NTRK2: variants seen among roughly 807,000 people sequenced by gnomAD.
NTRK2 encodes the protein BDNF/NT-3 growth factors receptor.
A neutral mutation model predicts 94.5 loss-of-function variants in NTRK2; 13 were observed. The observed-to-expected ratio is 0.14, with a 90% CI of 0.09 to 0.22. NTRK2 has a LOEUF of 0.22. Ranked by LOEUF, NTRK2 falls within the 10% of genes least tolerant of loss-of-function variation. NTRK2 has a pLI of 1.00. For synonymous variants in NTRK2, 372 were observed against 407.4 expected, an observed-to-expected ratio of 0.91 and a Z score of 1.05; for missense variants, 639 against 1,071.2, an observed-to-expected ratio of 0.60 and a Z score of 5.63.
chr9:84,834,609 A>T (rs2073762469), intron 12 of NTRK2, among the ~76,000 whole-genome samples: 1 of 152,096 alleles, frequency 6.6e-6, no homozygotes. Context: ...GGTGTGTCTC[A>T]TGTTGAGCCA....
intron 11 of NTRK2, among the ~76,000 whole-genome samples, chr9:84,747,967 A>G (rs1216456285): frequency 1.3e-5 from 2 of 152,198 alleles, no homozygotes; most frequent in Non-Finnish European, 2.9e-5. Context: ...GATATTTTAT[A>G]TATAAAGAGT....
intron 12 of NTRK2, among the ~76,000 whole-genome samples, chr9:84,797,889 T>A (rs1356541639): frequency 4.2e-5 from 5 of 120,124 alleles, no homozygotes; most frequent in Non-Finnish European, 6.4e-5. Flanking sequence ...TAGTAATAAT[T>A]ATTATTACTA....
At chr9:84,723,522 A>G in intron 6 of NTRK2, 51 bp from the exon 7 acceptor site, 2 of 1,601,938 alleles carry the variant, frequency 1.2e-6, no homozygotes, top group Non-Finnish European at 1.7e-6. Context: ...TTATTTTGAT[A>G]CTGCATTTAA....
At chr9:84,864,656 G>C (rs902111209) in intron 13 of NTRK2, among the ~76,000 whole-genome samples, 1 of 152,102 alleles carries the variant, frequency 6.6e-6, no homozygotes, top group Non-Finnish European at 1.5e-5. Flanking sequence ...CAGCCATGCC[G>C]GGAACCAAGG....
intron 8 of NTRK2, among the ~76,000 whole-genome samples, chr9:84,726,960 G>A (rs1025401392): frequency 1.3e-5 from 2 of 152,108 alleles, no homozygotes; most frequent in Non-Finnish European, 2.9e-5. Context: ...TCCCTACTCT[G>A]TCCAGGCTTA....
intron 14 of NTRK2, among the ~76,000 whole-genome samples, chr9:84,927,807 A>G (rs950308645): frequency 9.8e-5 from 15 of 152,294 alleles, no homozygotes; most frequent in African/African-American, 3.4e-4. Flanking sequence ...TCTCTGGCCC[A>G]TAATAACAAT....
In NTRK2 at chr9:84,889,069, C is replaced by T. The variant is rs531491878; in HGVS notation, c.1633+21638C>T. Among the ~76,000 whole-genome samples, 65 of 137,602 alleles carry T rather than the reference C, an allele frequency of 4.7e-4. 1 individual carries two copies. In the South Asian group the frequency reaches 0.015, roughly 31 times the overall value. 90.3% of individuals were successfully genotyped at this position (137,602 alleles called of 152,430 possible). A position where few individuals can be genotyped will look rare whatever the true frequency, so the allele number is the denominator to read the frequency against. ...GCAGTGGCGCGATCTCGGCTCACTG[C>T]AAGCTCCGCCTCCCGGGTTCACGCC... On this transcript the variant is annotated intron_variant, in intron 14 of 18. Coordinates refer to ENST00000277120, the MANE Select transcript of NTRK2 (RefSeq NM_006180.6).
chr9:84,929,361 A>T (rs1239427028), intron 14 of NTRK2, among the ~76,000 whole-genome samples: 1 of 152,208 alleles, frequency 6.6e-6, no homozygotes, highest in African/African-American at 2.4e-5. Flanking sequence ...AAATTCCATC[A>T]GTGACAGGGT....
At chr9:84,948,396 G>A (rs2132878270) in intron 15 of NTRK2, 66 bp from the exon 16 acceptor site, 3 of 1,498,746 alleles carry the variant, frequency 2.0e-6, no homozygotes, top group Non-Finnish European at 2.8e-6. Flanking sequence ...TGAGATGGAT[G>A]TCTTTCCTAT....
intron 14 of NTRK2, chr9:84,873,046 A>T: frequency 9.4e-7 from 1 of 1,063,710 alleles, no homozygotes; most frequent in Non-Finnish European, 1.1e-6. Flanking sequence ...AGGACCCCAG[A>T]AGCTCATTAG....
chr9:84,960,008 T>C (rs1015680068), intron 17 of NTRK2, among the ~76,000 whole-genome samples: 3 of 152,218 alleles, frequency 2.0e-5, no homozygotes, highest in African/African-American at 7.2e-5. Context: ...GCTTCAGCTT[T>C]ATGTTGGAGT....
chr9:84,683,774 C>T (rs2059538330), intron 2 of NTRK2, among the ~76,000 whole-genome samples: 1 of 152,158 alleles, frequency 6.6e-6, no homozygotes, highest in African/African-American at 2.4e-5. Flanking sequence ...TGCTCTCTTC[C>T]ACAATGGTTG....
intron 14 of NTRK2, chr9:84,872,059 T>C: frequency 7.2e-7 from 1 of 1,387,948 alleles, no homozygotes. Flanking sequence ...ACCCATCTCC[T>C]CGATCAATCA....
At chr9:84,788,326 A>G (rs2068338560) in intron 12 of NTRK2, among the ~76,000 whole-genome samples, 1 of 152,262 alleles carries the variant, frequency 6.6e-6, no homozygotes, top group South Asian at 2.1e-4. Context: ...GATGCAGATC[A>G]GAGTCATTGA....
chr9:84,822,221 C>T (rs375615927), intron 12 of NTRK2, among the ~76,000 whole-genome samples: 7 of 152,138 alleles, frequency 4.6e-5, no homozygotes, highest in African/African-American at 1.7e-4. Flanking sequence ...GGAGGAAAAA[C>T]AAAGAAGTTG....
chr9:84,884,506 A>T (rs2076355177), intron 14 of NTRK2, among the ~76,000 whole-genome samples: 1 of 152,236 alleles, frequency 6.6e-6, no homozygotes, highest in South Asian at 2.1e-4. Flanking sequence ...ACATGCATGC[A>T]ACATCGACGA....
chr9:84,981,525 T>C (rs1205728980), intron 17 of NTRK2, among the ~76,000 whole-genome samples: 1 of 152,236 alleles, frequency 6.6e-6, no homozygotes, highest in Non-Finnish European at 1.5e-5. Context: ...GTAATTATTC[T>C]AATCTTTTTT....
Position 84,670,413 on chromosome 9 carries a change from C to G in NTRK2, c.-336C>G. The G allele has an allele frequency of 2.3e-6, 1 of 436,952 alleles. No individual in the cohort carries two copies. Among genetic ancestry groups the G allele is most frequent in the Non-Finnish European group, 4.2e-6 (1 of 239,374 alleles). 27.1% of individuals were successfully genotyped at this position (436,952 alleles called of 1,614,324 possible). On this transcript the variant is annotated 5_prime_UTR_variant, in exon 2 of 19. Coordinates refer to ENST00000277120, the MANE Select transcript of NTRK2 (RefSeq NM_006180.6). ...ATACCGGACCCCCATTCGCATCTAA[C>G]AAGGAATCTGCGCCCCAGAGAGTCC...
chr9:84,930,281 T>A (rs2077976309), intron 14 of NTRK2, among the ~76,000 whole-genome samples: 1 of 152,202 alleles, frequency 6.6e-6, no homozygotes, highest in African/African-American at 2.4e-5. Flanking sequence ...CAGCCCAGTG[T>A]TGTTACAGCT....
Sources: allele counts gnomAD v4.1 joint callset (sites outside exome capture counted in the v4.1 genomes callset), GRCh38; gene constraint gnomAD v4.1.1; transcripts MANE v1.5; gene names NCBI Gene and HGNC (gene_info 2026-07-23, HGNC 2026-07-21).